The following CHP1 variants were observed in gnomAD, a reference collection of about 807,000 sequenced individuals.
CHP1 encodes the protein calcineurin B homologous protein 1.
A neutral mutation model predicts 27.4 loss-of-function variants in CHP1; 11 were observed. The ratio of observed to expected loss-of-function variants is 0.40; its 90% CI spans 0.25 to 0.67. The LOEUF is 0.67. Among genes scored for constraint, CHP1 ranks in the 30% least tolerant of loss-of-function variants. CHP1 has a pLI of 0.38. For synonymous variants in CHP1, 89 were observed against 87.4 expected (o/e 1.02, Z -0.10); for missense variants, 169 against 251.3 (o/e 0.67, Z 2.22).
chr15:41,251,579 C>T (rs370115298), intron 2 of CHP1, among the ~76,000 whole-genome samples: 2 of 152,234 alleles, frequency 1.3e-5, no homozygotes, highest in East Asian at 1.9e-4. Flanking sequence ...GCACCGCCTC[C>T]GGTCAGATCA....
intron 2 of CHP1, among the ~76,000 whole-genome samples, chr15:41,252,928 T>G (rs1046276408): frequency 8.3e-4 from 5 of 6,012 alleles, no homozygotes; most frequent in Non-Finnish European, 2.3e-3. Context: ...TTTCACATGG[T>G]TTTTTTTTTT....
chr15:41,237,822 G>A (rs894763096), intron 1 of CHP1, among the ~76,000 whole-genome samples: 5 of 152,090 alleles, frequency 3.3e-5, no homozygotes, highest in Non-Finnish European at 2.9e-5. Flanking sequence ...GGATTCTCCC[G>A]CCTCAGCCTC....
intron 4 of CHP1, among the ~76,000 whole-genome samples, chr15:41,268,077 A>T (rs2047470908): frequency 6.6e-6 from 1 of 152,170 alleles, no homozygotes. Context: ...AAATCAGGTA[A>T]GGCCCTTGCT....
At chr15:41,259,908 C>G (rs1459812120) in intron 3 of CHP1, among the ~76,000 whole-genome samples, 1 of 152,196 alleles carries the variant, frequency 6.6e-6, no homozygotes, top group African/African-American at 2.4e-5. Context: ...CTCACGCCAC[C>G]ACGCCTGGCT....
chr15:41,239,042 C>G (rs1462294505), intron 1 of CHP1, among the ~76,000 whole-genome samples: 3 of 152,182 alleles, frequency 2.0e-5, no homozygotes, highest in African/African-American at 7.2e-5. Context: ...CAGTACCTTT[C>G]TACACATGGA....
In CHP1 at chr15:41,280,185, T is replaced by A. The variant is rs1471834002; in HGVS notation, c.*796T>A. The A allele has an allele frequency of 6.6e-6, 1 of 152,274 alleles. No homozygotes were observed. Among genetic ancestry groups the A allele is most frequent in the Admixed American group, 6.6e-5 (1 of 15,264 alleles). 9.4% of individuals were successfully genotyped at this position (152,274 alleles called of 1,614,324 possible). Reference sequence around the variant, plus strand: ...TTGCTTGCCCACATCACTCTATCTCTGGCCTCTGATTCTCAACTTTGTACC... The same window carrying A: ...TTGCTTGCCCACATCACTCTATCTCAGGCCTCTGATTCTCAACTTTGTACC... On this transcript the variant is annotated 3_prime_UTR_variant, in exon 7 of 7. Coordinates refer to ENST00000334660, the MANE Select transcript of CHP1 (RefSeq NM_007236.5).
In CHP1 at chr15:41,279,448, C is replaced by T; in HGVS notation, c.*59C>T. Reference sequence around the variant, plus strand: ...TAAGAACTGGAACTTGAAAGTCCTCCTTCTACCAACTCCACCTCCACCCCC... The same window carrying T: ...TAAGAACTGGAACTTGAAAGTCCTCTTTCTACCAACTCCACCTCCACCCCC... On this transcript the variant is annotated 3_prime_UTR_variant, in exon 7 of 7. Transcript: ENST00000334660. 7.2e-7 allele frequency: 1 copy of T among 1,388,190 alleles called. No homozygotes were observed. Among genetic ancestry groups the T allele is most frequent in the Non-Finnish European group, 1.0e-6 (1 of 978,930 alleles). 86.0% of individuals were successfully genotyped at this position (1,388,190 alleles called of 1,614,324 possible). A position where few individuals can be genotyped will look rare whatever the true frequency, so the allele number is the denominator to read the frequency against.
At chr15:41,263,133 T>C (rs945041468) in intron 4 of CHP1, among the ~76,000 whole-genome samples, 9 of 152,188 alleles carry the variant, frequency 5.9e-5, no homozygotes, top group Admixed American at 3.3e-4. Context: ...GGGTTCCACA[T>C]TGGATTGTTG....
intron 2 of CHP1, among the ~76,000 whole-genome samples, chr15:41,246,056 A>G (rs930018390): frequency 5.9e-5 from 9 of 152,150 alleles, no homozygotes; most frequent in African/African-American, 1.9e-4. Context: ...CATTCGTTGA[A>G]GACGCTATTA....
intron 3 of CHP1, among the ~76,000 whole-genome samples, chr15:41,257,317 G>T (rs1215878085): frequency 1.3e-5 from 2 of 152,112 alleles, no homozygotes; most frequent in Non-Finnish European, 2.9e-5. Flanking sequence ...GAGAATACTT[G>T]TATATTTATT....
At chr15:41,243,534 G>A in intron 1 of CHP1, 133 bp from the exon 2 acceptor site, 1 of 611,448 alleles carries the variant, frequency 1.6e-6, no homozygotes, top group East Asian at 2.8e-5. Flanking sequence ...TAAACTTTCT[G>A]CTTTAACATT....
rs904669904 is a variant in CHP1 at position 41,270,705 on chromosome 15, T to C, written c.411+87T>C. 8 of 1,034,308 alleles carry C rather than the reference T, an allele frequency of 7.7e-6. No individual in the cohort carries two copies. In the African/African-American group the frequency reaches 9.5e-5, roughly 12 times the overall value. The allele number at this position is 1,034,308 out of a possible 1,614,324, so 64.1% of individuals were successfully genotyped here. ...GAACTATTCTTTCCTTTAGTAAGCA[T>C]TTATTTAATACCTGCTATGTGCAGA... On this transcript the variant is annotated intron_variant, in intron 5 of 6. Coordinates refer to ENST00000334660, the MANE Select transcript of CHP1 (RefSeq NM_007236.5).
intron 4 of CHP1, chr15:41,264,171 AAG>A (rs776968594): frequency 5.4e-6 from 7 of 1,284,904 alleles, no homozygotes; most frequent in Non-Finnish European, 2.0e-6. Flanking sequence ...GCAGTAGAGG[AAG>A]AGAGATATAT....
intron 1 of CHP1, among the ~76,000 whole-genome samples, chr15:41,239,938 G>A (rs148486558): frequency 0.031 from 4,707 of 151,622 alleles, 261 homozygotes; most frequent in African/African-American, 0.11. Flanking sequence ...CACCACGCCC[G>A]TCTAATTTTT....
rs553374096 is a variant in CHP1 at position 41,240,860 on chromosome 15, C to T, written c.68-2807C>T. Among the ~76,000 whole-genome samples the T allele has an allele frequency of 8.0e-3, 1,170 of 145,416 alleles. 21 individuals are homozygous for T. Among genetic ancestry groups the T allele is most frequent in the African/African-American group, 0.028 (1,122 of 40,286 alleles). ...AAATCTTTTGGGAAACTTAGTAATTCTTTTTTTTTTTGAAACAGAGTCTTG... is the reference window on the plus strand; with the variant it reads ...AAATCTTTTGGGAAACTTAGTAATTTTTTTTTTTTTTGAAACAGAGTCTTG... On this transcript the variant is annotated intron_variant, in intron 1 of 6. Coordinates refer to ENST00000334660, the MANE Select transcript of CHP1 (RefSeq NM_007236.5).
At chr15:41,270,364 TA>T (rs2047482574) in intron 4 of CHP1, among the ~76,000 whole-genome samples, 192 bp from the exon 5 acceptor site, 1 of 152,220 alleles carries the variant, frequency 6.6e-6, no homozygotes, top group Admixed American at 6.5e-5. Context: ...ATACTTCATC[TA>T]ATCTAAGAAC....
chr15:41,248,248 A>G (rs1301634337), intron 2 of CHP1, among the ~76,000 whole-genome samples: 1 of 151,658 alleles, frequency 6.6e-6, no homozygotes, highest in Non-Finnish European at 1.5e-5. Flanking sequence ...TCCTGGGCTC[A>G]GACAGTTCTC....
At chr15:41,247,794 C>T (rs1017137818) in intron 2 of CHP1, among the ~76,000 whole-genome samples, 1 of 151,614 alleles carries the variant, frequency 6.6e-6, no homozygotes, top group African/African-American at 2.4e-5. Flanking sequence ...ACAGTGAAAC[C>T]CCGTCTCTAC....
At position 41,270,594 on chromosome 15, in the gene CHP1, G is replaced by A; in HGVS notation, c.387G>A (p.Lys129=). 1 of 1,613,932 alleles carries A rather than the reference G, an allele frequency of 6.2e-7. No individual in the cohort carries two copies. Among genetic ancestry groups the A allele is most frequent in the Non-Finnish European group, 8.5e-7 (1 of 1,179,842 alleles). The stretch of plus-strand genomic sequence containing the variant: ...TATATGATTTGGATAAAGATGAAAA[G>A]ATCTCCCGTGATGAGCTGTTACAGG... The part of the protein sequence containing the change: ...FRLYDLDKDE[K]ISRDELLQVL... The change falls in exon 5 of 7, where the codon AAG becomes AAA. Residue 129 remains lysine (K), a synonymous_variant. Transcript: ENST00000334660.
Sources: allele counts gnomAD v4.1 joint callset (sites outside exome capture counted in the v4.1 genomes callset), GRCh38; gene constraint gnomAD v4.1.1; transcripts MANE v1.5; gene names NCBI Gene and HGNC (gene_info 2026-07-23, HGNC 2026-07-21).